The following DCLK1 variants were observed in gnomAD, a reference collection of about 807,000 sequenced individuals.
DCLK1 encodes serine/threonine-protein kinase DCLK1.
DCLK1 carries 16 observed loss-of-function variants against 86.2 expected under a neutral mutation model. The observed-to-expected ratio is 0.19, with a 90% CI of 0.13 to 0.28. The LOEUF (loss-of-function observed/expected upper bound fraction) is 0.28. Among genes scored for constraint, DCLK1 ranks in the 10% least tolerant of loss-of-function variants. The pLI is 1.00. For missense variants in DCLK1, 590 were observed against 940.2 expected, an observed-to-expected ratio of 0.63 and a Z score of 4.87; for synonymous variants, 369 against 370.5, an observed-to-expected ratio of 1.00 and a Z score of 0.05.
chr13:35,906,241 G>T (rs1874682079), intron 4 of DCLK1, among the ~76,000 whole-genome samples: 1 of 150,924 alleles, frequency 6.6e-6, no homozygotes, highest in Non-Finnish European at 1.5e-5. Flanking sequence ...ACAGAAAAAA[G>T]TTTTAAAAAG....
chr13:36,112,985 T>G (rs1885666987), intron 2 of DCLK1, among the ~76,000 whole-genome samples: 1 of 152,152 alleles, frequency 6.6e-6, no homozygotes, highest in African/African-American at 2.4e-5. Flanking sequence ...AAGAAAAACA[T>G]GAACCAAGAG....
intron 3 of DCLK1, among the ~76,000 whole-genome samples, chr13:36,046,603 G>T (rs898816406): frequency 6.6e-6 from 1 of 152,194 alleles, no homozygotes; most frequent in South Asian, 2.1e-4. Flanking sequence ...CCACAAAGTG[G>T]CTGCATCCAA....
chr13:35,914,367 ATG>A (rs1491223273), intron 4 of DCLK1, among the ~76,000 whole-genome samples: 533 of 10,790 alleles, frequency 0.049, 2 homozygotes, highest in African/African-American at 0.089. Flanking sequence ...ATATATATAT[ATG>A]TATATATATA....
chr13:36,032,144 T>C (rs1946673133), intron 3 of DCLK1, among the ~76,000 whole-genome samples: 2 of 151,772 alleles, frequency 1.3e-5, no homozygotes, highest in African/African-American at 4.9e-5. Flanking sequence ...TTTTTTTTTC[T>C]TTTTTCTTTT....
chr13:36,076,403 G>T (rs567977402), intron 3 of DCLK1, among the ~76,000 whole-genome samples: 2 of 152,228 alleles, frequency 1.3e-5, no homozygotes, highest in East Asian at 3.9e-4. Flanking sequence ...CCTGAAAACT[G>T]CTGACCACTC....
At chr13:35,825,116 C>A (rs2087488929) in intron 10 of DCLK1, among the ~76,000 whole-genome samples, 1 of 152,194 alleles carries the variant, frequency 6.6e-6, no homozygotes, top group African/African-American at 2.4e-5. Context: ...TCATTAACTG[C>A]CGATCCACTG....
At chr13:36,080,475 G>A (rs540360749) in intron 3 of DCLK1, among the ~76,000 whole-genome samples, 4 of 152,288 alleles carry the variant, frequency 2.6e-5, no homozygotes, top group South Asian at 2.1e-4. Context: ...GGAAATATTC[G>A]TCAAGGTCAA....
chr13:35,984,458 G>C (rs1226406618), intron 3 of DCLK1, among the ~76,000 whole-genome samples: 2 of 152,208 alleles, frequency 1.3e-5, no homozygotes, highest in African/African-American at 4.8e-5. Context: ...CCCTGCAGTG[G>C]GTGAGGGAGC....
chr13:35,824,055 G>A (rs1427429547), intron 10 of DCLK1, among the ~76,000 whole-genome samples: 1 of 152,208 alleles, frequency 6.6e-6, no homozygotes, highest in Non-Finnish European at 1.5e-5. Context: ...GAGGAGGTGG[G>A]ACAGTCACCG....
At chr13:35,979,466 A>G (rs1879530724) in intron 3 of DCLK1, among the ~76,000 whole-genome samples, 2 of 152,184 alleles carry the variant, frequency 1.3e-5, no homozygotes, top group South Asian at 4.1e-4. Context: ...CAGCCAATCC[A>G]TAAACAATAT....
At chr13:35,923,892 A>G (rs542440374) in intron 4 of DCLK1, among the ~76,000 whole-genome samples, 4 of 152,306 alleles carry the variant, frequency 2.6e-5, no homozygotes, top group African/African-American at 9.6e-5. Context: ...ACAAGACAGT[A>G]AGAAGCAGAA....
chr13:35,867,909 AAAAGAAAGAAAGAAAG>A (rs34489580), intron 5 of DCLK1, among the ~76,000 whole-genome samples: 44 of 102,428 alleles, frequency 4.3e-4, no homozygotes, highest in African/African-American at 8.9e-4. Flanking sequence ...GAAAGAAAGA[AAAAGAAAGAAAGAAAG>A]AAAGAAAGAA....
At chr13:36,031,017 T>G (rs1882248981) in intron 3 of DCLK1, among the ~76,000 whole-genome samples, 1 of 152,148 alleles carries the variant, frequency 6.6e-6, no homozygotes, top group Non-Finnish European at 1.5e-5. Flanking sequence ...AGGACTTATT[T>G]CTAAACCATG....
intron 5 of DCLK1, among the ~76,000 whole-genome samples, chr13:35,866,704 C>G (rs1185406173): frequency 1.3e-5 from 2 of 151,784 alleles, no homozygotes; most frequent in Admixed American, 6.6e-5. Context: ...CCACCACACC[C>G]AGTCTAAAGA....
At chr13:35,975,953 A>G (rs2153140480) in intron 3 of DCLK1, among the ~76,000 whole-genome samples, 1 of 152,226 alleles carries the variant, frequency 6.6e-6, no homozygotes, top group Middle Eastern at 3.4e-3. Context: ...GTGTCAGGGG[A>G]CCACATCCTC....
At chr13:35,867,928 A>AGAAAGAAAGAAG (rs1871947366) in intron 5 of DCLK1, among the ~76,000 whole-genome samples, 1 of 142,846 alleles carries the variant, frequency 7.0e-6, no homozygotes, top group Non-Finnish European at 1.5e-5. Context: ...AAAGAAAGAA[A>AGAAAGAAAGAAG]GAAAGAAAGA....
At chr13:35,983,834 C>G (rs886153502) in intron 3 of DCLK1, among the ~76,000 whole-genome samples, 2 of 152,148 alleles carry the variant, frequency 1.3e-5, no homozygotes, top group Non-Finnish European at 2.9e-5. Context: ...ATCTGGAAAT[C>G]TGGGTTTGAC....
At chr13:36,068,472 AT>A (rs1471376713) in intron 3 of DCLK1, among the ~76,000 whole-genome samples, 1 of 152,212 alleles carries the variant, frequency 6.6e-6, no homozygotes, top group East Asian at 1.9e-4. Context: ...AACTTGTATA[AT>A]ATAGCTTTTA....
chr13:36,040,300 T>G (rs1882652874), intron 3 of DCLK1, among the ~76,000 whole-genome samples: 1 of 147,594 alleles, frequency 6.8e-6, no homozygotes, highest in Non-Finnish European at 1.5e-5. Context: ...TCTTAGGCTT[T>G]CTTTGTTTTT....
Sources: allele counts gnomAD v4.1 joint callset (sites outside exome capture counted in the v4.1 genomes callset), GRCh38; gene constraint gnomAD v4.1.1; transcripts MANE v1.5; gene names NCBI Gene and HGNC (gene_info 2026-07-23, HGNC 2026-07-21).